OPA1: variants seen among roughly 807,000 people sequenced by gnomAD.
The protein encoded by OPA1 is dynamin-like GTPase OPA1, mitochondrial.
OPA1 carries 59 observed loss-of-function variants against 152.9 expected under a neutral mutation model. The ratio of observed to expected loss-of-function variants is 0.39; its 90% confidence interval spans 0.31 to 0.48. The LOEUF (loss-of-function observed/expected upper bound fraction) is 0.48, where lower values mean the gene tolerates loss of function less well. Ranked by LOEUF, OPA1 falls within the 20% of genes least tolerant of loss-of-function variation. The probability of loss-of-function intolerance (pLI) is 0.96; values close to 1 mark genes in which losing one functional copy is unlikely to be tolerated. For synonymous variants in OPA1, 400 were observed against 389.9 expected, an observed-to-expected ratio of 1.03 and a Z score of -0.31; for missense variants, 1,008 against 1,216.8, an observed-to-expected ratio of 0.83 and a Z score of 2.55.
At chr3:193,657,267 AT>A (rs748959177) in intron 23 of OPA1, 35 bp downstream of exon 23, 11 of 1,602,708 alleles carry the variant, frequency 6.9e-6, no homozygotes, top group African/African-American at 1.3e-5. Flanking sequence ...TCAGCCTCAT[AT>A]TTTTATATAA....
intron 22 of OPA1, among the ~76,000 whole-genome samples, chr3:193,655,505 A>T (rs1713583051): frequency 6.6e-6 from 1 of 152,174 alleles, no homozygotes; most frequent in Admixed American, 6.5e-5. Flanking sequence ...AAAACAAAAC[A>T]AAAAACTACC....
At chr3:193,688,608 T>C (rs1438633704) in intron 29 of OPA1, among the ~76,000 whole-genome samples, 1 of 151,496 alleles carries the variant, frequency 6.6e-6, no homozygotes, top group Non-Finnish European at 1.5e-5. Context: ...AAGTCAAAGG[T>C]AATACTTAAA....
At chr3:193,652,818 G>A (rs756320339) in intron 21 of OPA1, among the ~76,000 whole-genome samples, 94 of 152,242 alleles carry the variant, frequency 6.2e-4, no homozygotes, top group Non-Finnish European at 1.3e-3. Context: ...GAGAGGCTGG[G>A]CAAGGAGAAG....
intron 25 of OPA1, among the ~76,000 whole-genome samples, chr3:193,662,270 A>G (rs529742004): frequency 6.6e-6 from 1 of 152,322 alleles, no homozygotes; most frequent in East Asian, 1.9e-4. Flanking sequence ...TAAGAAGGAC[A>G]GATACCTCAC....
chr3:193,602,807 C>T (rs1478495734), intron 1 of OPA1, among the ~76,000 whole-genome samples: 3 of 152,192 alleles, frequency 2.0e-5, no homozygotes, highest in Non-Finnish European at 2.9e-5. Flanking sequence ...ATGAGTTCCT[C>T]TATCACTGGA....
chr3:193,654,093 C>T (rs1384410132), intron 21 of OPA1, among the ~76,000 whole-genome samples: 2 of 152,170 alleles, frequency 1.3e-5, no homozygotes, highest in African/African-American at 4.8e-5. Flanking sequence ...CGTGAATTCT[C>T]ATAGCAGCTT....
chr3:193,597,708 A>AG (rs1725835217), intron 1 of OPA1, among the ~76,000 whole-genome samples: 1 of 151,562 alleles, frequency 6.6e-6, no homozygotes. Flanking sequence ...AAAAAAAAAA[A>AG]AGAAATGGAA....
intron 11 of OPA1, among the ~76,000 whole-genome samples, chr3:193,642,215 C>A (rs1733881433): frequency 6.6e-6 from 1 of 152,196 alleles, no homozygotes; most frequent in Non-Finnish European, 1.5e-5. Context: ...CCATTCTCTT[C>A]TGTGGCACCC....
At chr3:193,640,783 TA>T (rs1413287005) in intron 11 of OPA1, among the ~76,000 whole-genome samples, 1 of 152,178 alleles carries the variant, frequency 6.6e-6, no homozygotes, top group African/African-American at 2.4e-5. Context: ...AGGTGTAGAA[TA>T]ATTGGAAGAT....
intron 1 of OPA1, among the ~76,000 whole-genome samples, chr3:193,596,339 T>TCC (rs1553865287): frequency 0.011 from 1,482 of 131,784 alleles, 25 homozygotes; most frequent in East Asian, 0.028. Flanking sequence ...TCCTTTCCTT[T>TCC]TCTTTTCTTT....
At position 193,611,205 on chromosome 3, in the gene OPA1, G is replaced by A. The variant is rs183419870; in HGVS notation, c.33-3518G>A. Among the ~76,000 whole-genome samples, 1,435 of 152,280 alleles carry A rather than the reference G, an allele frequency of 9.4e-3. 9 individuals carry two copies. The highest frequency in any genetic ancestry group is 0.015 in the Non-Finnish European group (1,027 of 68,010). ...CCCGATTGTGATTTAAAATGAGAAC[G>A]AGATGGTCCCTTTGGTTCCTGGTCC... On this transcript the variant is annotated intron_variant, in intron 1 of 30. Coordinates refer to ENST00000361510, the MANE Select transcript of OPA1 (RefSeq NM_130837.3).
In OPA1 at chr3:193,647,144, C is replaced by T. The variant is rs398124299; in HGVS notation, c.1834C>T (p.Arg612Ter). The change falls in exon 19 of 31, where the codon CGA (arginine) becomes TGA (stop). Residue 612 changes from arginine (R) to a stop codon, truncating the protein, a stop_gained. Coordinates refer to ENST00000361510, the MANE Select transcript of OPA1 (RefSeq NM_130837.3). LOFTEE classifies it high-confidence loss of function. ...AVSDCFWKMV[R>*]ESVEQQADSF... ...ATCAGACTGCTTTTGGAAAATGGTA[C>T]GAGAGTCTGTTGAACAACAGGCTGA... 3 of 1,613,080 alleles carry T rather than the reference C, an allele frequency of 1.9e-6. No individual in the cohort carries two copies. Among genetic ancestry groups the T allele is most frequent in the South Asian group, 1.1e-5 (1 of 91,014 alleles).
chr3:193,676,666 T>C (rs1719032526), intron 29 of OPA1, among the ~76,000 whole-genome samples: 1 of 152,192 alleles, frequency 6.6e-6, no homozygotes, highest in Non-Finnish European at 1.5e-5. Flanking sequence ...ACATTTTTCA[T>C]GGCCTAAGTC....
At chr3:193,622,891 C>T (rs1258697893) in intron 6 of OPA1, among the ~76,000 whole-genome samples, 1 of 152,078 alleles carries the variant, frequency 6.6e-6, no homozygotes, top group African/African-American at 2.4e-5. Context: ...AATTTTGGTC[C>T]CCTCAATTTT....
rs766448341 is a variant in OPA1, at chr3:193,688,449, CTTTTTTTTTTTTTTTTTTTTTT to C, written c.2984-3588_2984-3567del. Reference sequence around the variant, plus strand: ...TGATTTTTACTGAAATGGGTCTTTTCTTTTTTTTTTTTTTTTTTTTTTTTTTTTTTTTTTTTTTTTTTTTTTT... The same window carrying C: ...TGATTTTTACTGAAATGGGTCTTTTCTTTTTTTTTTTTTTTTTTTTTTTTT... On this transcript the variant is annotated intron_variant, in intron 29 of 30. Transcript: ENST00000361510. 2.2e-3 allele frequency among the ~76,000 whole-genome samples: 142 copies of C among 63,340 alleles called. 1 individual carries two copies. The highest frequency in any genetic ancestry group is 4.1e-3 in the African/African-American group (78 of 19,002). 41.6% of individuals were successfully genotyped at this position (63,340 alleles called of 152,430 possible).
In OPA1 at chr3:193,667,276, C is replaced by T; in HGVS notation, c.2979C>T (p.Asp993=). The T allele has an allele frequency of 1.4e-6, 2 of 1,476,212 alleles. No individual in the cohort carries two copies. The highest frequency in any genetic ancestry group is 1.4e-5 in the African/African-American group (1 of 72,382). The allele number at this position is 1,476,212 out of a possible 1,614,324, so 91.4% of individuals were successfully genotyped here. A position where few individuals can be genotyped will look rare whatever the true frequency, so the allele number is the denominator to read the frequency against. ...LTGKRVQLAE[D]LKKVREIQEK... is the part of the protein sequence containing the mutation. ...GTAAACGCGTTCAACTGGCGGAAGA[C>T]CTCAGTGAGTAGTTCTTACTGCCCT... The change falls in exon 29 of 31, where the codon GAC becomes GAT. Residue 993 remains aspartate, a synonymous_variant. Transcript: ENST00000361510.
intron 29 of OPA1, among the ~76,000 whole-genome samples, chr3:193,674,946 T>C (rs1292169033): frequency 6.6e-6 from 1 of 152,208 alleles, no homozygotes; most frequent in Non-Finnish European, 1.5e-5. Context: ...CAGGTGATTC[T>C]TGCCATCCCC....
intron 20 of OPA1, 109 bp from the exon 21 acceptor site, chr3:193,648,686 C>A: frequency 2.6e-6 from 2 of 758,880 alleles, no homozygotes; most frequent in Non-Finnish European, 4.7e-6. Flanking sequence ...TATAATTAAA[C>A]CCAAATTCAG....
In OPA1 at chr3:193,664,996, G is replaced by A; in HGVS notation, c.2778G>A (p.Glu926=). 2.0e-6 allele frequency: 3 copies of A among 1,504,182 alleles called. No individual in the cohort carries two copies. Among genetic ancestry groups the A allele is most frequent in the Non-Finnish European group, 1.9e-6 (2 of 1,080,774 alleles). 93.2% of individuals were successfully genotyped at this position (1,504,182 alleles called of 1,614,324 possible). The change falls in exon 27 of 31, where the codon GAG becomes GAA. Residue 926 remains glutamate (E), a splice_region_variant and synonymous_variant. Transcript: ENST00000361510. ...ACCAAAGGCATTTTGTAGATTCTGA[G>A]GTAAGGTTTCCAAAAACAAAGAGAA... ...YYYQRHFVDS[E]LECNDVVLFW...
Sources: gnomAD v4.1 joint callset for allele counts (sites outside exome capture counted in the v4.1 genomes callset) on GRCh38, gnomAD v4.1.1 for gene constraint, MANE v1.5 for transcripts, NCBI Gene and HGNC (gene_info 2026-07-23, HGNC 2026-07-21) for gene names.